Variants in SMAD2 observed in about 807,000 individuals in gnomAD.
The protein encoded by SMAD2 is MAD homolog 2.
A neutral mutation model predicts 64.4 loss-of-function variants in SMAD2; 8 were observed. The observed-to-expected ratio is 0.12, with a 90% CI of 0.07 to 0.22. The LOEUF (loss-of-function observed/expected upper bound fraction) is 0.22, where lower values mean the gene tolerates loss of function less well. Ranked by LOEUF, SMAD2 falls within the 10% of genes least tolerant of loss-of-function variation. The pLI is 1.00. For missense variants in SMAD2, 289 were observed against 561.2 expected, an observed-to-expected ratio of 0.51 and a Z score of 4.90; for synonymous variants, 203 against 195.8, an observed-to-expected ratio of 1.04 and a Z score of -0.31.
chr18:47,851,740 GTCTA>G (rs2030109879), intron 6 of SMAD2, among the ~76,000 whole-genome samples: 2 of 151,558 alleles, frequency 1.3e-5, no homozygotes, highest in Admixed American at 1.3e-4. Context: ...TTCCTTATTT[GTCTA>G]TCTACATATC....
At chr18:47,875,646 T>C (rs1157295332) in intron 2 of SMAD2, among the ~76,000 whole-genome samples, 1 of 152,148 alleles carries the variant, frequency 6.6e-6, no homozygotes, top group Admixed American at 6.5e-5. Flanking sequence ...TAATCTAAGA[T>C]TATCTACTTT....
chr18:47,883,524 T>C (rs2032728823), intron 2 of SMAD2, among the ~76,000 whole-genome samples: 1 of 152,250 alleles, frequency 6.6e-6, no homozygotes, highest in African/African-American at 2.4e-5. Context: ...ATAATGTAAC[T>C]TAAAACTTCT....
rs967261726 is a variant in SMAD2 at position 47,822,298 on chromosome 18, G to T, written c.*19529C>A. On this transcript the variant is annotated 3_prime_UTR_variant, in exon 11 of 11. Transcript: ENST00000262160. Reference sequence around the variant, plus strand: ...TAAGTTTTTGTAATTCCCAGTTATTGCTTTTTCTCTAAAAGCATTTGCAAT... The same window carrying T: ...TAAGTTTTTGTAATTCCCAGTTATTTCTTTTTCTCTAAAAGCATTTGCAAT... 4.6e-5 allele frequency: 7 copies of T among 152,012 alleles called. No individual in the cohort carries two copies. Among genetic ancestry groups the T allele is most frequent in the African/African-American group, 1.7e-4 (7 of 41,386 alleles). The allele number at this position is 152,012 out of a possible 1,614,324, so 9.4% of individuals were successfully genotyped here. A position where few individuals can be genotyped will look rare whatever the true frequency, so the allele number is the denominator to read the frequency against.
Position 47,817,148 on chromosome 18 carries a change from T to C in SMAD2, c.*24679A>G, listed in dbSNP as rs1912400585. On this transcript the variant is annotated 3_prime_UTR_variant, in exon 11 of 11. Coordinates refer to ENST00000262160, the MANE Select transcript of SMAD2 (RefSeq NM_005901.6). ...TCTCTCTGTGTTGACATAAATGGTGTTCAGCAGTAGAACCTGAAGTAGGAC... is the reference window on the plus strand; with the variant it reads ...TCTCTCTGTGTTGACATAAATGGTGCTCAGCAGTAGAACCTGAAGTAGGAC... The C allele has an allele frequency of 6.6e-6, 1 of 152,200 alleles. No individual in the cohort carries two copies. Among genetic ancestry groups the C allele is most frequent in the African/African-American group, 2.4e-5 (1 of 41,446 alleles). 9.4% of individuals were successfully genotyped at this position (152,200 alleles called of 1,614,324 possible).
chr18:47,891,734 T>G (rs533928786), intron 2 of SMAD2, among the ~76,000 whole-genome samples: 1 of 151,788 alleles, frequency 6.6e-6, no homozygotes, highest in Non-Finnish European at 1.5e-5. Context: ...AACATACAAA[T>G]ATCAGAATGC....
intron 2 of SMAD2, among the ~76,000 whole-genome samples, chr18:47,889,079 C>T (rs565652090): frequency 6.6e-6 from 1 of 151,328 alleles, no homozygotes; most frequent in South Asian, 2.1e-4. Flanking sequence ...AAAAGTAGAT[C>T]AACAGAAAAT....
chr18:47,886,013 G>T (rs1310104254), intron 2 of SMAD2, among the ~76,000 whole-genome samples: 1 of 152,200 alleles, frequency 6.6e-6, no homozygotes, highest in Non-Finnish European at 1.5e-5. Context: ...TAGGTTATAT[G>T]CGAATACTAT....
chr18:47,844,000 T>C (rs747743280), intron 10 of SMAD2, among the ~76,000 whole-genome samples: 1 of 152,236 alleles, frequency 6.6e-6, no homozygotes, highest in Non-Finnish European at 1.5e-5. Flanking sequence ...TATTAGACAA[T>C]ATAATTTAAA....
intron 10 of SMAD2, among the ~76,000 whole-genome samples, chr18:47,843,366 G>A (rs1255465760): frequency 2.6e-5 from 4 of 152,132 alleles, no homozygotes; most frequent in Admixed American, 2.6e-4. Flanking sequence ...GCTTAACAAT[G>A]GTCCTGGCTG....
In SMAD2 at chr18:47,826,349, T is replaced by A. The variant is rs765970006; in HGVS notation, c.*15478A>T. 2.0e-5 allele frequency: 3 copies of A among 152,250 alleles called. No homozygotes were observed. Among genetic ancestry groups the A allele is most frequent in the African/African-American group, 2.4e-5 (1 of 41,466 alleles). The allele number at this position is 152,250 out of a possible 1,614,324, so 9.4% of individuals were successfully genotyped here. ...ATTTAAGGCTCCAATTCTTCACCCC[T>A]CCTATGTTCTCTCCCTTGGTCTAAT... On this transcript the variant is annotated 3_prime_UTR_variant, in exon 11 of 11. Transcript: ENST00000262160.
At chr18:47,898,694 T>C (rs1158999265) in intron 1 of SMAD2, among the ~76,000 whole-genome samples, 1 of 152,078 alleles carries the variant, frequency 6.6e-6, no homozygotes, top group African/African-American at 2.4e-5. Flanking sequence ...CTTCTCAGGA[T>C]GGTCAATGAC....
chr18:47,877,484 C>T (rs866766047), intron 2 of SMAD2, among the ~76,000 whole-genome samples: 3 of 151,946 alleles, frequency 2.0e-5, no homozygotes, highest in Non-Finnish European at 4.4e-5. Flanking sequence ...TTTTAAGTCT[C>T]CATAATTACA....
chr18:47,879,423 T>C (rs1056288479), intron 2 of SMAD2, among the ~76,000 whole-genome samples: 4 of 151,992 alleles, frequency 2.6e-5, no homozygotes, highest in African/African-American at 4.8e-5. Context: ...ATGAATGGAA[T>C]ATGGTACATA....
chr18:47,851,991 T>C (rs2030145437), intron 6 of SMAD2, among the ~76,000 whole-genome samples: 1 of 152,194 alleles, frequency 6.6e-6, no homozygotes, highest in Non-Finnish European at 1.5e-5. Context: ...CCAGTTTACA[T>C]TCCCAGTCAC....
At chr18:47,873,973 C>G (rs1461850795) in intron 2 of SMAD2, among the ~76,000 whole-genome samples, 4 of 150,476 alleles carry the variant, frequency 2.7e-5, no homozygotes, top group African/African-American at 1.0e-4. Context: ...GAAAGAGGCA[C>G]AAGGGAAAAA....
At chr18:47,907,047 A>G (rs749236567) in intron 1 of SMAD2, among the ~76,000 whole-genome samples, 2 of 152,212 alleles carry the variant, frequency 1.3e-5, no homozygotes, top group Non-Finnish European at 2.9e-5. Context: ...TTTGGAGACC[A>G]TGATTCAGTC....
intron 2 of SMAD2, chr18:47,886,725 T>A (rs555996730): frequency 2.0e-5 from 3 of 153,828 alleles, no homozygotes; most frequent in African/African-American, 7.2e-5. Context: ...GTGATCACAG[T>A]TTCATAAGAG....
intron 2 of SMAD2, 99 bp downstream of exon 2, chr18:47,896,422 T>C (rs759496456): frequency 2.6e-5 from 31 of 1,202,832 alleles, no homozygotes; most frequent in Non-Finnish European, 3.7e-5. Context: ...ATTTCAATCA[T>C]CACTTTTTAC....
At chr18:47,844,292 C>A (rs1449127847) in intron 10 of SMAD2, among the ~76,000 whole-genome samples, 5 of 152,054 alleles carry the variant, frequency 3.3e-5, no homozygotes, top group Non-Finnish European at 5.9e-5. Flanking sequence ...ACAAGCAAGT[C>A]CAAAACAAAT....
Sources: allele counts gnomAD v4.1 joint callset (sites outside exome capture counted in the v4.1 genomes callset), GRCh38; gene constraint gnomAD v4.1.1; transcripts MANE v1.5; gene names NCBI Gene and HGNC (gene_info 2026-07-23, HGNC 2026-07-21).